SDAD1: variants seen among roughly 807,000 people sequenced by gnomAD.
The protein encoded by SDAD1 is protein SDA1 homolog.
A neutral mutation model predicts 100.3 loss-of-function variants in SDAD1; 79 were observed. The observed-to-expected ratio is 0.79, with a 90% CI of 0.66 to 0.95. The LOEUF is 0.95. SDAD1 is among the 40% of genes least tolerant of loss of function. The probability of loss-of-function intolerance (pLI) is 0.00; values close to 1 mark genes in which losing one functional copy is unlikely to be tolerated. For synonymous variants in SDAD1, 267 were observed against 271.4 expected (o/e 0.98, Z 0.16); for missense variants, 790 against 810.9 (o/e 0.97, Z 0.31).
At chr4:75,964,659 T>G (rs1289701644) in intron 13 of SDAD1, among the ~76,000 whole-genome samples, 2 of 152,162 alleles carry the variant, frequency 1.3e-5, no homozygotes, top group Admixed American at 1.3e-4. Flanking sequence ...AAAATGACCC[T>G]TGTTGTGGGA....
chr4:75,970,576 C>G (rs1020659262), intron 9 of SDAD1, among the ~76,000 whole-genome samples, 198 bp from the exon 10 acceptor site: 5 of 152,144 alleles, frequency 3.3e-5, no homozygotes, highest in Non-Finnish European at 5.9e-5. Flanking sequence ...GTGTTCCAAC[C>G]ATTAGCACCT....
chr4:75,985,912 C>T (rs952144093), intron 1 of SDAD1, among the ~76,000 whole-genome samples: 3 of 152,184 alleles, frequency 2.0e-5, no homozygotes, highest in Non-Finnish European at 2.9e-5. Context: ...GTAACCCCCA[C>T]GCCAACTTCC....
Position 75,950,461 on chromosome 4 carries a change from G to A in SDAD1, c.*289C>T. The A allele has an allele frequency of 3.2e-6, 1 of 315,578 alleles. No individual in the cohort carries two copies. Among genetic ancestry groups the A allele is most frequent in the Non-Finnish European group, 6.1e-6 (1 of 164,822 alleles). 19.5% of individuals were successfully genotyped at this position (315,578 alleles called of 1,614,324 possible). A position where few individuals can be genotyped will look rare whatever the true frequency, so the allele number is the denominator to read the frequency against. Reference sequence around the variant, plus strand: ...CAATGCCTTGAGTGAAGGGGTTACAGCTCATTCGTTTTGCATCTACAGTGA... The same window carrying A: ...CAATGCCTTGAGTGAAGGGGTTACAACTCATTCGTTTTGCATCTACAGTGA... On this transcript the variant is annotated 3_prime_UTR_variant, in exon 22 of 22. Transcript: ENST00000356260.
At position 75,969,283 on chromosome 4, in the gene SDAD1, ATAT is replaced by A; in HGVS notation, c.987+10_987+12del. 6.3e-7 allele frequency: 1 copy of A among 1,589,534 alleles called. No homozygotes were observed. Among genetic ancestry groups the A allele is most frequent in the African/African-American group, 1.3e-5 (1 of 74,570 alleles). The stretch of plus-strand genomic sequence containing the variant: ...TCAAATATTCACCAAGAGAAACATA[ATAT>A]AATTCAAACCTCATGAATTCCCACC... On this transcript the variant is annotated intron_variant, in intron 11 of 21. Coordinates refer to ENST00000356260, the MANE Select transcript of SDAD1 (RefSeq NM_018115.4).
intron 10 of SDAD1, 41 bp from the exon 11 acceptor site, chr4:75,969,440 G>T: frequency 7.4e-7 from 1 of 1,342,540 alleles, no homozygotes; most frequent in Non-Finnish European, 1.1e-6. Context: ...GTGAGTCTAT[G>T]GTCTATGTGA....
At chr4:75,972,373 G>A (rs1233934706) in intron 8 of SDAD1, among the ~76,000 whole-genome samples, 2 of 149,850 alleles carry the variant, frequency 1.3e-5, no homozygotes, top group South Asian at 4.2e-4. Context: ...TTTAAGAGCT[G>A]TAATACTCAC....
chr4:75,978,982 G>GAGA (rs1553920329), intron 3 of SDAD1, among the ~76,000 whole-genome samples: 15 of 38,034 alleles, frequency 3.9e-4, no homozygotes, highest in South Asian at 1.9e-3. Flanking sequence ...CCCTGTCTCA[G>GAGA]AAAAAAAAAA....
intron 17 of SDAD1, among the ~76,000 whole-genome samples, chr4:75,959,414 G>T (rs1013942193): frequency 2.0e-5 from 3 of 151,930 alleles, no homozygotes; most frequent in Non-Finnish European, 4.4e-5. Flanking sequence ...GACCAGCCTG[G>T]CCAACATGGT....
In SDAD1 at chr4:75,981,439, T is replaced by G; in HGVS notation, c.227A>C (p.Asn76Thr). The G allele has an allele frequency of 6.2e-7, 1 of 1,613,792 alleles. No homozygotes were observed. The highest frequency in any genetic ancestry group is 8.5e-7 in the Non-Finnish European group (1 of 1,179,798). ...AAGATCTTTCACCTCTTGAGGAAAATTACTTAGGTACTCTGGGTAGCAGTG... is the reference window on the plus strand; with the variant it reads ...AAGATCTTTCACCTCTTGAGGAAAAGTACTTAGGTACTCTGGGTAGCAGTG... ...ISHCYPEYLS[N>T]FPQEVKDLLS... The change falls in exon 3 of 22, where the codon AAT (asparagine) becomes ACT (threonine). Residue 76 changes from asparagine (N) to threonine (T), a missense_variant. Physicochemically the swap from Asn to Thr is moderately conservative, Grantham distance 65. Transcript: ENST00000356260.
chr4:75,976,047 C>A, intron 4 of SDAD1, 52 bp from the exon 5 acceptor site: 4 of 1,183,808 alleles, frequency 3.4e-6, no homozygotes, highest in East Asian at 4.8e-5. Context: ...ACATTTTTAA[C>A]CTTGCTAAAT....
chr4:75,989,081 CAG>C (rs1731078901), intron 1 of SDAD1, among the ~76,000 whole-genome samples: 1 of 152,178 alleles, frequency 6.6e-6, no homozygotes, highest in Non-Finnish European at 1.5e-5. Context: ...CCGAGGCACT[CAG>C]AGTGAAATCT....
chr4:75,981,782 G>A (rs1008594945), intron 2 of SDAD1, 151 bp downstream of exon 2: 1 of 699,414 alleles, frequency 1.4e-6, no homozygotes. Context: ...ACTCATGATA[G>A]GGAGAAAATA....
intron 1 of SDAD1, among the ~76,000 whole-genome samples, chr4:75,984,170 A>AT (rs1456868481): frequency 6.6e-6 from 1 of 151,494 alleles, no homozygotes; most frequent in African/African-American, 2.4e-5. Context: ...TACCTTAAAA[A>AT]AAAAAAAAAA....
chr4:75,982,233 C>T (rs918707663), intron 1 of SDAD1, among the ~76,000 whole-genome samples, 196 bp from the exon 2 acceptor site: 2 of 152,222 alleles, frequency 1.3e-5, no homozygotes, highest in Non-Finnish European at 2.9e-5. Context: ...GAGCACATCA[C>T]AGATAATCTA....
chr4:75,959,128 A>AAAAAAC (rs1729086846), intron 17 of SDAD1, among the ~76,000 whole-genome samples: 1 of 134,480 alleles, frequency 7.4e-6, no homozygotes, highest in African/African-American at 2.6e-5. Context: ...AAAAAAAAAA[A>AAAAAAC]CCTAAAAAAA....
In SDAD1 at chr4:75,971,415, G is replaced by T. The variant is rs1291838114; in HGVS notation, c.755C>A (p.Thr252Lys). 2 of 1,613,842 alleles carry T rather than the reference G, an allele frequency of 1.2e-6. No homozygotes were observed. Among genetic ancestry groups the T allele is most frequent in the Non-Finnish European group, 1.7e-6 (2 of 1,179,946 alleles). ...CTTGTTTTTGGAACTTTTCTTCCCT[G>T]TAGCATATTGTACTAGCAGGTCTCT... ...TARDLLVQYA[T>K]GKKSSKNKKK... The change falls in exon 9 of 22, where the codon ACA becomes AAA. Residue 252 changes from threonine (T) to lysine (K), a missense_variant. Coordinates refer to ENST00000356260, the MANE Select transcript of SDAD1 (RefSeq NM_018115.4).
chr4:75,965,679 A>G, intron 13 of SDAD1, 85 bp downstream of exon 13: 1 of 1,037,098 alleles, frequency 9.6e-7, no homozygotes, highest in Non-Finnish European at 1.5e-6. Flanking sequence ...TATCGGGGGC[A>G]GGTTCCCCCG....
chr4:75,961,210 C>T lies in SDAD1; in HGVS notation c.1279+1G>A. The T allele has an allele frequency of 3.7e-6, 6 of 1,613,504 alleles. No individual in the cohort carries two copies. The highest frequency in any genetic ancestry group is 4.2e-6 in the Non-Finnish European group (5 of 1,179,456). On this transcript the variant is annotated splice_donor_variant, in intron 15 of 21. Transcript: ENST00000356260. LOFTEE classifies it high-confidence loss of function. ...TGTGTAGAGAGTAACATGCAGCTTA[C>T]TCTTATCCTTGTGTGTTTTATACTG...
At position 75,971,374 on chromosome 4, in the gene SDAD1, C is replaced by A; in HGVS notation, c.796G>T (p.Ala266Ser). ...SSKNKKKLEK[A>S]MKVLKKQKKK... ...AGTCCCACCTTGAGCACTTTCATTG[C>A]CTTTTCCAACTTTTTCTTGTTTTTG... The change falls in exon 9 of 22, where the codon GCA (alanine) becomes TCA (serine). Residue 266 changes from alanine (A) to serine (S), a missense_variant. Transcript: ENST00000356260. The A allele has an allele frequency of 6.2e-7, 1 of 1,613,484 alleles. No individual in the cohort carries two copies. The highest frequency in any genetic ancestry group is 8.5e-7 in the Non-Finnish European group (1 of 1,179,522).
Sources: allele counts gnomAD v4.1 joint callset (sites outside exome capture counted in the v4.1 genomes callset), GRCh38; gene constraint gnomAD v4.1.1; transcripts MANE v1.5; gene names NCBI Gene and HGNC (gene_info 2026-07-23, HGNC 2026-07-21).